Variants in GTF2IRD1 observed in about 807,000 individuals in gnomAD.
The protein encoded by GTF2IRD1 is general transcription factor II-I repeat domain-containing protein 1.
A neutral mutation model predicts 113.2 loss-of-function variants in GTF2IRD1; 26 were observed. The ratio of observed to expected loss-of-function variants is 0.23; its 90% CI spans 0.17 to 0.32. The LOEUF (loss-of-function observed/expected upper bound fraction) is 0.32, where lower values mean the gene tolerates loss of function less well. GTF2IRD1 is among the 10% of genes least tolerant of loss of function. The probability of loss-of-function intolerance (pLI) is 1.00; values close to 1 mark genes in which losing one functional copy is unlikely to be tolerated. For synonymous variants in GTF2IRD1, 484 were observed against 529.1 expected (o/e 0.91, Z 1.17); for missense variants, 864 against 1,280.8 (o/e 0.67, Z 4.97).
rs201833637 is a variant in GTF2IRD1, at chr7:74,499,334, C to T, written c.-6-8741C>T. Reference sequence around the variant, plus strand: ...CTGTTCTTACCCAGTATGACCTAGGCGGGAGCCAATAAGCACAGGGAATGA... The same window carrying T: ...CTGTTCTTACCCAGTATGACCTAGGTGGGAGCCAATAAGCACAGGGAATGA... On this transcript the variant is annotated intron_variant, in intron 1 of 26. Coordinates refer to ENST00000424337, the MANE Select transcript of GTF2IRD1 (RefSeq NM_005685.4). Among the ~76,000 whole-genome samples, 6 of 150,944 alleles carry T rather than the reference C, an allele frequency of 4.0e-5. No homozygotes were observed. The East Asian group carries it at 7.9e-4, about 20-fold the overall frequency.
At chr7:74,574,485 G>T (rs797033763) in intron 22 of GTF2IRD1, among the ~76,000 whole-genome samples, 8 of 145,184 alleles carry the variant, frequency 5.5e-5, no homozygotes, top group African/African-American at 1.8e-4. Flanking sequence ...TTAAGGCAGG[G>T]TCTCTCTCTG....
intron 3 of GTF2IRD1, 155 bp from the exon 4 acceptor site, chr7:74,515,286 C>A (rs924080605): frequency 1.4e-6 from 2 of 1,477,882 alleles, no homozygotes; most frequent in South Asian, 2.5e-5. Flanking sequence ...TGGAATAGGG[C>A]TTGCTCACTC....
At chr7:74,496,136 A>G (rs995986578) in intron 1 of GTF2IRD1, among the ~76,000 whole-genome samples, 1 of 148,936 alleles carries the variant, frequency 6.7e-6, no homozygotes, top group Non-Finnish European at 1.5e-5. Context: ...GTGCATGCAT[A>G]TGTGAGTGCA....
intron 23 of GTF2IRD1, among the ~76,000 whole-genome samples, chr7:74,590,305 T>C (rs1273566786): frequency 2.0e-5 from 3 of 151,988 alleles, no homozygotes; most frequent in Admixed American, 2.0e-4. Flanking sequence ...GGTCTTGATC[T>C]TCTGGGTTCA....
intron 1 of GTF2IRD1, among the ~76,000 whole-genome samples, chr7:74,488,091 G>T (rs1169270969): frequency 7.9e-5 from 12 of 152,082 alleles, no homozygotes; most frequent in African/African-American, 2.7e-4. Context: ...GATCAGCCTG[G>T]GCAACACAGT....
chr7:74,520,301 G>T lies in GTF2IRD1; in HGVS notation c.916+582G>T, dbSNP rs1797206804. Reference sequence around the variant, plus strand: ...GTAGGTCCTGGAAGTAGGTCCTGGGGTGAACAGGACAAAAGGAACAACTGC... The same window carrying T: ...GTAGGTCCTGGAAGTAGGTCCTGGGTTGAACAGGACAAAAGGAACAACTGC... On this transcript the variant is annotated intron_variant, in intron 6 of 26. Transcript: ENST00000424337. Among the ~76,000 whole-genome samples the T allele has an allele frequency of 2.0e-5, 3 of 151,908 alleles. No individual in the cohort carries two copies. The South Asian group carries it at 6.2e-4, about 32-fold the overall frequency.
intron 8 of GTF2IRD1, among the ~76,000 whole-genome samples, chr7:74,528,758 AATGG>A (rs587614859): frequency 0.045 from 2,359 of 52,118 alleles, 18 homozygotes; most frequent in Non-Finnish European, 0.07. Context: ...TGGATGGATG[AATGG>A]ATGGATGGGC....
At chr7:74,582,921 C>T (rs1801500354) in intron 22 of GTF2IRD1, among the ~76,000 whole-genome samples, 1 of 151,890 alleles carries the variant, frequency 6.6e-6, no homozygotes, top group East Asian at 1.9e-4. Context: ...TGGTAGCCCA[C>T]ACCTGTAGTC....
In GTF2IRD1 at chr7:74,518,428, C is replaced by T. The variant is rs587775287; in HGVS notation, c.605+106C>T. On this transcript the variant is annotated intron_variant, in intron 5 of 26. Coordinates refer to ENST00000424337, the MANE Select transcript of GTF2IRD1 (RefSeq NM_005685.4). The stretch of plus-strand genomic sequence containing the variant: ...CAGAGGGGAAGGGACTTGAGATGCC[C>T]GTGGGGGACCCTGGTGGTGAAAGCT... 167 of 839,204 alleles carry T rather than the reference C, an allele frequency of 2.0e-4. No homozygotes were observed. In the African/African-American group the frequency reaches 2.6e-3, roughly 13 times the overall value. The allele number at this position is 839,204 out of a possible 1,614,324, so 52.0% of individuals were successfully genotyped here.
intron 12 of GTF2IRD1, 112 bp downstream of exon 12, chr7:74,538,285 A>G: frequency 9.3e-7 from 1 of 1,075,964 alleles, no homozygotes; most frequent in South Asian, 1.3e-5. Context: ...TGGAGTGCTA[A>G]CGAGCCTCCT....
At chr7:74,498,222 C>A (rs996249073) in intron 1 of GTF2IRD1, among the ~76,000 whole-genome samples, 1 of 151,774 alleles carries the variant, frequency 6.6e-6, no homozygotes, top group Non-Finnish European at 1.5e-5. Context: ...AGGCTGGTCT[C>A]GAGCTCCTGG....
At chr7:74,541,585 C>T (rs1487128105) in intron 14 of GTF2IRD1, among the ~76,000 whole-genome samples, 4 of 151,900 alleles carry the variant, frequency 2.6e-5, no homozygotes, top group Non-Finnish European at 5.9e-5. Flanking sequence ...GTGATGGTGC[C>T]ACTGAGTAAG....
At chr7:74,475,005 C>T (rs1794320149) in intron 1 of GTF2IRD1, among the ~76,000 whole-genome samples, 1 of 151,894 alleles carries the variant, frequency 6.6e-6, no homozygotes, top group African/African-American at 2.4e-5. Context: ...GCCTGTAGTC[C>T]CAGATACTCA....
At chr7:74,572,509 T>C (rs1299149347) in intron 22 of GTF2IRD1, 11 of 847,734 alleles carry the variant, frequency 1.3e-5, no homozygotes, top group Non-Finnish European at 1.3e-5. Context: ...GTCTTTGATC[T>C]TGGATGAGTT....
At chr7:74,458,363 G>A (rs1793128533) in intron 1 of GTF2IRD1, among the ~76,000 whole-genome samples, 1 of 152,112 alleles carries the variant, frequency 6.6e-6, no homozygotes, top group Admixed American at 6.6e-5. Flanking sequence ...GATGATTGCT[G>A]GTGAGGGGGT....
chr7:74,545,524 G>T (rs1365913003), intron 15 of GTF2IRD1, among the ~76,000 whole-genome samples: 2 of 152,102 alleles, frequency 1.3e-5, no homozygotes, highest in Non-Finnish European at 2.9e-5. Flanking sequence ...CAGGCTGGCG[G>T]TGCCCTAGAT....
chr7:74,600,572 G>A (rs1325109833), intron 25 of GTF2IRD1, among the ~76,000 whole-genome samples: 1 of 152,092 alleles, frequency 6.6e-6, no homozygotes, highest in African/African-American at 2.4e-5. Context: ...TTAGCTGGAC[G>A]TGGTGGCAGA....
chr7:74,525,626 T>A (rs976909450), intron 8 of GTF2IRD1, among the ~76,000 whole-genome samples: 1 of 152,038 alleles, frequency 6.6e-6, no homozygotes, highest in African/African-American at 2.4e-5. Context: ...CATGGTGGCA[T>A]GCACCTGTAA....
rs1796724941 is a variant in GTF2IRD1 at position 74,513,037 on chromosome 7, C to T, written c.265+66C>T. 3 of 1,496,684 alleles carry T rather than the reference C, an allele frequency of 2.0e-6. No individual in the cohort carries two copies. In the African/African-American group the frequency reaches 4.1e-5, roughly 21 times the overall value. The allele number at this position is 1,496,684 out of a possible 1,614,324, so 92.7% of individuals were successfully genotyped here. On this transcript the variant is annotated intron_variant, in intron 3 of 26. Transcript: ENST00000424337. ...CCCGAGGGCAGGCGCTCTAGCCCAT[C>T]TCTGGGTCCCCAACCCTGTCTAGCC...
Sources: gnomAD v4.1 joint callset for allele counts (sites outside exome capture counted in the v4.1 genomes callset) on GRCh38, gnomAD v4.1.1 for gene constraint, MANE v1.5 for transcripts, NCBI Gene and HGNC (gene_info 2026-07-23, HGNC 2026-07-21) for gene names.